Variants in GNG12 observed in about 807,000 individuals in gnomAD.
GNG12 encodes the protein G protein subunit gamma 12.
For synonymous variants in GNG12, 28 were observed against 29.7 expected (o/e 0.94, Z 0.19); for missense variants, 69 against 83.8 (o/e 0.82, Z 0.69).
At chr1:67,728,163 T>C (rs1458032536) in intron 2 of GNG12, among the ~76,000 whole-genome samples, 1 of 152,168 alleles carries the variant, frequency 6.6e-6, no homozygotes, top group East Asian at 1.9e-4. Context: ...CCTTTCAGAA[T>C]CACCTGGGCA....
intron 2 of GNG12, among the ~76,000 whole-genome samples, chr1:67,732,135 G>A (rs1646423408): frequency 6.6e-6 from 1 of 152,176 alleles, no homozygotes; most frequent in Non-Finnish European, 1.5e-5. Flanking sequence ...ATGCCTAAGT[G>A]TTCACTATTC....
intron 1 of GNG12, among the ~76,000 whole-genome samples, chr1:67,823,959 T>A (rs1464681221): frequency 6.6e-6 from 1 of 152,278 alleles, no homozygotes; most frequent in South Asian, 2.1e-4. Context: ...CTTGTTATTC[T>A]GTGTGTGTGT....
intron 3 of GNG12, 101 bp downstream of exon 3, chr1:67,707,493 A>C (rs1253971258): frequency 2.7e-6 from 2 of 746,292 alleles, no homozygotes; most frequent in African/African-American, 3.6e-5. Flanking sequence ...CCTGGAAGCA[A>C]GCGGAATGAA....
At chr1:67,767,103 T>A (rs1646645117) in intron 2 of GNG12, among the ~76,000 whole-genome samples, 1 of 152,160 alleles carries the variant, frequency 6.6e-6, no homozygotes, top group Non-Finnish European at 1.5e-5. Flanking sequence ...GAATATCACA[T>A]TAGCTACAGG....
chr1:67,793,192 T>G (rs7534605), intron 1 of GNG12, among the ~76,000 whole-genome samples: 11,439 of 152,292 alleles, frequency 0.075, 633 homozygotes, highest in Non-Finnish European at 0.099. Context: ...TGTGTAAAAA[T>G]AGGATATTCT....
intron 1 of GNG12, among the ~76,000 whole-genome samples, chr1:67,829,183 T>C (rs528053415): frequency 6.6e-6 from 1 of 152,260 alleles, no homozygotes; most frequent in Admixed American, 6.5e-5. Context: ...TTTCTTATGG[T>C]TTAAAAATAA....
rs1021170928 is a variant in GNG12, at chr1:67,703,242, C to A, written c.*2209G>T. On this transcript the variant is annotated 3_prime_UTR_variant, in exon 4 of 4. Coordinates refer to ENST00000370982, the MANE Select transcript of GNG12 (RefSeq NM_018841.6). The stretch of plus-strand genomic sequence containing the variant: ...GTGAATAAAATGAAATCTCCTGGGA[C>A]CTCAAGTCCATTTCTTACCACTATA... The A allele has an allele frequency of 1.3e-5, 2 of 152,074 alleles. No homozygotes were observed. Among genetic ancestry groups the A allele is most frequent in the Non-Finnish European group, 2.9e-5 (2 of 68,014 alleles). 9.4% of individuals were successfully genotyped at this position (152,074 alleles called of 1,614,324 possible). A position where few individuals can be genotyped will look rare whatever the true frequency, so the allele number is the denominator to read the frequency against.
chr1:67,737,700 T>C (rs970598411), intron 2 of GNG12, among the ~76,000 whole-genome samples: 5 of 152,100 alleles, frequency 3.3e-5, no homozygotes, highest in African/African-American at 7.2e-5. Context: ...AAATACATAA[T>C]AACAAGAAAT....
At chr1:67,800,524 A>G (rs564827808) in intron 1 of GNG12, among the ~76,000 whole-genome samples, 1 of 152,226 alleles carries the variant, frequency 6.6e-6, no homozygotes, top group Non-Finnish European at 1.5e-5. Flanking sequence ...TCAACTTGCA[A>G]TTGAAATAAT....
At chr1:67,752,337 A>G (rs1195237097) in intron 2 of GNG12, among the ~76,000 whole-genome samples, 1 of 152,220 alleles carries the variant, frequency 6.6e-6, no homozygotes, top group Non-Finnish European at 1.5e-5. Context: ...TAGCAAGTAT[A>G]AGAGACTGGT....
intron 2 of GNG12, among the ~76,000 whole-genome samples, chr1:67,711,129 G>C (rs552359390): frequency 1.3e-5 from 2 of 152,240 alleles, no homozygotes; most frequent in East Asian, 3.9e-4. Flanking sequence ...TTAGGAGATA[G>C]GTAATTTTTA....
intron 1 of GNG12, among the ~76,000 whole-genome samples, chr1:67,825,195 G>T (rs1647004641): frequency 1.3e-5 from 2 of 152,192 alleles, no homozygotes; most frequent in Admixed American, 1.3e-4. Context: ...AAGAAATTCT[G>T]TAAGAAATTC....
intron 2 of GNG12, among the ~76,000 whole-genome samples, chr1:67,727,053 A>G (rs1646390612): frequency 6.6e-6 from 1 of 152,236 alleles, no homozygotes; most frequent in Admixed American, 6.5e-5. Flanking sequence ...GTGCAGGTCA[A>G]TTACTTAAAG....
At chr1:67,718,364 A>G (rs1179307924) in intron 2 of GNG12, among the ~76,000 whole-genome samples, 1 of 152,156 alleles carries the variant, frequency 6.6e-6, no homozygotes, top group Non-Finnish European at 1.5e-5. Flanking sequence ...GCCATATTAA[A>G]AAAAAAAGTG....
At chr1:67,774,385 A>G (rs1646692763) in intron 2 of GNG12, among the ~76,000 whole-genome samples, 1 of 152,204 alleles carries the variant, frequency 6.6e-6, no homozygotes, top group Non-Finnish European at 1.5e-5. Flanking sequence ...TTTAAAGGCC[A>G]TCTCAAAAAT....
intron 1 of GNG12, among the ~76,000 whole-genome samples, chr1:67,785,781 C>T (rs890047622): frequency 6.6e-6 from 1 of 152,198 alleles, no homozygotes. Flanking sequence ...TGGAAGTCTG[C>T]ATTAGCCAAA....
chr1:67,813,851 A>G (rs1028469506), intron 1 of GNG12, among the ~76,000 whole-genome samples: 5 of 152,140 alleles, frequency 3.3e-5, no homozygotes, highest in African/African-American at 1.2e-4. Flanking sequence ...AATGGCAAGC[A>G]TTTATTGAGT....
chr1:67,713,160 G>A (rs1646306196), intron 2 of GNG12, among the ~76,000 whole-genome samples: 1 of 152,294 alleles, frequency 6.6e-6, no homozygotes, highest in Admixed American at 6.5e-5. Flanking sequence ...TCGGCTCCTA[G>A]ACAAGGACTG....
chr1:67,815,744 T>C (rs967773543), intron 1 of GNG12, among the ~76,000 whole-genome samples: 1 of 152,084 alleles, frequency 6.6e-6, no homozygotes, highest in Non-Finnish European at 1.5e-5. Flanking sequence ...AGGGCCGGCA[T>C]GAGGGAGGAT....
Sources: allele counts gnomAD v4.1 joint callset (sites outside exome capture counted in the v4.1 genomes callset), GRCh38; gene constraint gnomAD v4.1.1; transcripts MANE v1.5; gene names NCBI Gene and HGNC (gene_info 2026-07-23, HGNC 2026-07-21).